The following ZMIZ1 variants were observed in gnomAD, a reference collection of about 807,000 sequenced individuals.
The protein encoded by ZMIZ1 is zinc finger MIZ domain-containing protein 1.
A neutral mutation model predicts 113.9 loss-of-function variants in ZMIZ1; 17 were observed. The ratio of observed to expected loss-of-function variants is 0.15; its 90% CI spans 0.10 to 0.22. ZMIZ1 has a LOEUF of 0.22. ZMIZ1 is among the 10% of genes least tolerant of loss of function. The pLI, the probability that ZMIZ1 is intolerant of heterozygous loss-of-function variation, is 1.00. For missense variants in ZMIZ1, 1,059 were observed against 1,477.8 expected (o/e 0.72, Z 4.65); for synonymous variants, 607 against 603.1 (o/e 1.01, Z -0.09).
chr10:79,208,795 A>C (rs1375216706), intron 6 of ZMIZ1, among the ~76,000 whole-genome samples: 1 of 152,170 alleles, frequency 6.6e-6, no homozygotes, highest in Non-Finnish European at 1.5e-5. Context: ...TCATTCATTC[A>C]TTCATTCACT....
chr10:79,201,717 C>A, intron 5 of ZMIZ1, 25 bp downstream of exon 5: 1 of 1,609,974 alleles, frequency 6.2e-7, no homozygotes, highest in East Asian at 2.2e-5. Flanking sequence ...AGGCACACTC[C>A]GAGGGCGGGG....
Position 79,314,258 on chromosome 10 carries a change from A to T in ZMIZ1, c.*1509A>T. ...CCCGTGAGCCACATGGCCTAGGGTG[A>T]TGCCAGGTTGTCCCGTCACTGGGGT... is the stretch of plus-strand genomic sequence containing the variant. On this transcript the variant is annotated 3_prime_UTR_variant, in exon 25 of 25. Coordinates refer to ENST00000334512, the MANE Select transcript of ZMIZ1 (RefSeq NM_020338.4). 1 of 456,940 alleles carries T rather than the reference A, an allele frequency of 2.2e-6. No individual in the cohort carries two copies. The highest frequency in any genetic ancestry group is 4.4e-6 in the Non-Finnish European group (1 of 226,960). 28.3% of individuals were successfully genotyped at this position (456,940 alleles called of 1,614,324 possible). A position where few individuals can be genotyped will look rare whatever the true frequency, so the allele number is the denominator to read the frequency against.
At chr10:79,209,902 A>C (rs2132687935) in intron 6 of ZMIZ1, among the ~76,000 whole-genome samples, 1 of 152,314 alleles carries the variant, frequency 6.6e-6, no homozygotes, top group South Asian at 2.1e-4. Context: ...TAGGGATGCC[A>C]GACAGGGATG....
chr10:79,188,229 G>T (rs1310905614), intron 4 of ZMIZ1, among the ~76,000 whole-genome samples: 5 of 152,224 alleles, frequency 3.3e-5, no homozygotes, highest in African/African-American at 4.8e-5. Flanking sequence ...CCTGCCTGCT[G>T]CCTGGGCCAC....
At chr10:79,257,452 T>C (rs1452054622) in intron 7 of ZMIZ1, among the ~76,000 whole-genome samples, 6 of 152,236 alleles carry the variant, frequency 3.9e-5, no homozygotes, top group Non-Finnish European at 7.3e-5. Context: ...GAAACTCTGT[T>C]GGCTGCCCCA....
intron 6 of ZMIZ1, among the ~76,000 whole-genome samples, chr10:79,212,616 C>T (rs1045586884): frequency 4.6e-5 from 7 of 152,074 alleles, no homozygotes; most frequent in African/African-American, 1.2e-4. Flanking sequence ...ATTAGCTGGA[C>T]GTGGTGGCAC....
At chr10:79,290,137 A>T in intron 9 of ZMIZ1, among the ~76,000 whole-genome samples, 1 of 152,258 alleles carries the variant, frequency 6.6e-6, no homozygotes, top group South Asian at 2.1e-4. Context: ...TCTGACAGAC[A>T]GCAAGGGGTT....
At chr10:79,310,867 C>CA in intron 23 of ZMIZ1, 57 bp from the exon 24 acceptor site, 1 of 1,552,206 alleles carries the variant, frequency 6.4e-7, no homozygotes, top group Non-Finnish European at 8.7e-7. Flanking sequence ...CTCCAGGCAT[C>CA]ATCGCCGTGC....
At chr10:79,110,833 G>T (rs908903115) in intron 1 of ZMIZ1, among the ~76,000 whole-genome samples, 1 of 152,228 alleles carries the variant, frequency 6.6e-6, no homozygotes. Flanking sequence ...CCTCTAAGCT[G>T]CCTGGAGGAA....
intron 7 of ZMIZ1, among the ~76,000 whole-genome samples, chr10:79,233,128 G>A (rs922773967): frequency 1.3e-5 from 2 of 152,230 alleles, no homozygotes; most frequent in Non-Finnish European, 2.9e-5. Flanking sequence ...CAAGGGGGGT[G>A]TGGGCTCCCC....
chr10:79,214,109 CCTCCTCACT>C (rs985133434), intron 6 of ZMIZ1, among the ~76,000 whole-genome samples: 1 of 152,136 alleles, frequency 6.6e-6, no homozygotes, highest in Admixed American at 6.5e-5. Flanking sequence ...CCAGAATCTT[CCTCCTCACT>C]CTCTGGAGGA....
intron 4 of ZMIZ1, among the ~76,000 whole-genome samples, chr10:79,174,992 G>A (rs1387322140): frequency 6.6e-6 from 1 of 152,204 alleles, no homozygotes; most frequent in Non-Finnish European, 1.5e-5. Flanking sequence ...CTCTCTGAGC[G>A]TGAGCTGAGG....
chr10:79,230,644 C>T (rs962671802), intron 7 of ZMIZ1, among the ~76,000 whole-genome samples: 2 of 152,178 alleles, frequency 1.3e-5, no homozygotes, highest in African/African-American at 2.4e-5. Context: ...CCTGCACAGA[C>T]GGCGGGAAAG....
At chr10:79,300,610 T>C in intron 16 of ZMIZ1, 122 bp from the exon 17 acceptor site, 2 of 1,220,826 alleles carry the variant, frequency 1.6e-6, no homozygotes, top group South Asian at 1.4e-5. Context: ...GGGTCAGGGA[T>C]GGGGTCCTGA....
At chr10:79,268,704 G>A (rs957758728) in intron 7 of ZMIZ1, among the ~76,000 whole-genome samples, 4 of 152,174 alleles carry the variant, frequency 2.6e-5, no homozygotes, top group African/African-American at 4.8e-5. Context: ...CCCAAGATTC[G>A]TGTCTGCATC....
chr10:79,112,191 G>T (rs1843774005), intron 1 of ZMIZ1, among the ~76,000 whole-genome samples: 1 of 152,178 alleles, frequency 6.6e-6, no homozygotes, highest in African/African-American at 2.4e-5. Flanking sequence ...TAGGGGACAG[G>T]TGTGTTTGAT....
At chr10:79,303,426 G>A (rs1458174099) in intron 18 of ZMIZ1, among the ~76,000 whole-genome samples, 2 of 136,764 alleles carry the variant, frequency 1.5e-5, no homozygotes, top group Non-Finnish European at 3.0e-5. Flanking sequence ...CCACACTCCA[G>A]CCTGGGCAAC....
intron 8 of ZMIZ1, 114 bp from the exon 9 acceptor site, chr10:79,289,659 TGG>T: frequency 1.1e-6 from 1 of 906,988 alleles, no homozygotes; most frequent in Non-Finnish European, 1.7e-6. Flanking sequence ...CCGACTCGGA[TGG>T]GGGTTACCTT....
At chr10:79,297,044 T>A (rs1853947291) in intron 13 of ZMIZ1, 1 of 179,592 alleles carries the variant, frequency 5.6e-6, no homozygotes, top group Non-Finnish European at 1.2e-5. Flanking sequence ...ACTTTGAATC[T>A]GTACCTTTTA....
Sources: allele counts gnomAD v4.1 joint callset (sites outside exome capture counted in the v4.1 genomes callset), GRCh38; gene constraint gnomAD v4.1.1; transcripts MANE v1.5; gene names NCBI Gene and HGNC (gene_info 2026-07-23, HGNC 2026-07-21).